The following ASCC1 variants were observed in gnomAD, a reference collection of about 807,000 sequenced individuals.
The protein encoded by ASCC1 is activating signal cointegrator 1 complex subunit 1.
A neutral mutation model predicts 46.6 loss-of-function variants in ASCC1; 35 were observed. The observed-to-expected ratio is 0.75, with a 90% confidence interval of 0.57 to 0.99. The LOEUF (loss-of-function observed/expected upper bound fraction) is 0.99, where lower values mean the gene tolerates loss of function less well. Ranked by LOEUF, ASCC1 falls within the 50% of genes least tolerant of loss-of-function variation. The pLI, the probability that ASCC1 is intolerant of heterozygous loss-of-function variation, is 0.00. For synonymous variants in ASCC1, 143 were observed against 146.6 expected (o/e 0.98, Z 0.18); for missense variants, 376 against 428.7 (o/e 0.88, Z 1.09).
chr10:72,210,166 T>TTTTC (rs1857857936), intron 3 of ASCC1, among the ~76,000 whole-genome samples: 1 of 151,328 alleles, frequency 6.6e-6, no homozygotes, highest in East Asian at 1.9e-4. Flanking sequence ...TTCTTTTTTT[T>TTTTC]TTTTTTTTTT....
At chr10:72,171,831 G>A (rs1259617030) in intron 5 of ASCC1, among the ~76,000 whole-genome samples, 1 of 152,162 alleles carries the variant, frequency 6.6e-6, no homozygotes, top group African/African-American at 2.4e-5. Flanking sequence ...AATATCTTTG[G>A]AGGGCCATTG....
At chr10:72,137,605 A>T (rs942464736) in intron 7 of ASCC1, among the ~76,000 whole-genome samples, 1 of 151,932 alleles carries the variant, frequency 6.6e-6, no homozygotes, top group Non-Finnish European at 1.5e-5. Flanking sequence ...ATTAAGAGAG[A>T]TGTTGTGCTT....
intron 3 of ASCC1, 82 bp downstream of exon 3, chr10:72,210,650 A>G: frequency 3.8e-6 from 4 of 1,063,904 alleles, no homozygotes; most frequent in Non-Finnish European, 5.8e-6. Context: ...GCACTGCAAT[A>G]AGTATGGAAG....
chr10:72,146,049 C>A (rs1039244352), intron 7 of ASCC1, among the ~76,000 whole-genome samples: 2 of 152,154 alleles, frequency 1.3e-5, no homozygotes, highest in African/African-American at 4.8e-5. Flanking sequence ...TATTTATTCC[C>A]ATTTCCTAAA....
At chr10:72,187,184 T>C (rs1020789490) in intron 5 of ASCC1, among the ~76,000 whole-genome samples, 2 of 152,204 alleles carry the variant, frequency 1.3e-5, no homozygotes, top group African/African-American at 2.4e-5. Flanking sequence ...AGTCATCTTG[T>C]TATGAAATGT....
At chr10:72,191,119 G>A (rs1184851315) in intron 5 of ASCC1, among the ~76,000 whole-genome samples, 6 of 149,476 alleles carry the variant, frequency 4.0e-5, no homozygotes, top group African/African-American at 4.9e-5. Context: ...GTGCAGTGGC[G>A]CGATCTCGGC....
intron 9 of ASCC1, among the ~76,000 whole-genome samples, chr10:72,098,993 C>A (rs1197532858): frequency 6.6e-6 from 1 of 152,212 alleles, no homozygotes; most frequent in East Asian, 1.9e-4. Flanking sequence ...AGATTTATAG[C>A]TCTGCAAACT....
At chr10:72,097,538 C>A in intron 9 of ASCC1, 88 bp from the exon 10 acceptor site, 1 of 775,938 alleles carries the variant, frequency 1.3e-6, no homozygotes, top group Non-Finnish European at 2.2e-6. Context: ...AAACACCAAA[C>A]CACAACAATC....
chr10:72,120,602 A>T (rs1248598499), intron 9 of ASCC1, among the ~76,000 whole-genome samples: 1 of 152,014 alleles, frequency 6.6e-6, no homozygotes. Flanking sequence ...CAAAAAAAAA[A>T]AAAAAATTGT....
intron 5 of ASCC1, chr10:72,189,906 C>T: frequency 3.0e-6 from 2 of 674,248 alleles, no homozygotes; most frequent in Non-Finnish European, 5.3e-6. Flanking sequence ...AAAGTACAGC[C>T]TTTCTGTCTG....
chr10:72,144,780 G>A (rs1249791372), intron 7 of ASCC1, among the ~76,000 whole-genome samples: 1 of 151,864 alleles, frequency 6.6e-6, no homozygotes, highest in African/African-American at 2.4e-5. Context: ...TTTACCTGCT[G>A]TTAGTTGATA....
At chr10:72,148,617 A>C (rs1378685509) in intron 7 of ASCC1, among the ~76,000 whole-genome samples, 1 of 152,246 alleles carries the variant, frequency 6.6e-6, no homozygotes, top group African/African-American at 2.4e-5. Context: ...CCAATGCTTA[A>C]AAATTTTGAT....
chr10:72,112,915 T>C (rs1401562486), intron 9 of ASCC1, among the ~76,000 whole-genome samples: 1 of 143,324 alleles, frequency 7.0e-6, no homozygotes, highest in Non-Finnish European at 1.5e-5. Context: ...CAACATACAA[T>C]GGACCCAAAG....
intron 7 of ASCC1, among the ~76,000 whole-genome samples, chr10:72,151,044 C>T (rs959045448): frequency 2.0e-5 from 3 of 152,202 alleles, no homozygotes; most frequent in Admixed American, 6.5e-5. Context: ...GTGGTGATTC[C>T]TCAAGGATCT....
At chr10:72,156,481 G>T (rs1169750184) in intron 6 of ASCC1, among the ~76,000 whole-genome samples, 2 of 152,208 alleles carry the variant, frequency 1.3e-5, no homozygotes, top group African/African-American at 4.8e-5. Context: ...AAAAGGATTT[G>T]GCCGGGTGCG....
intron 6 of ASCC1, among the ~76,000 whole-genome samples, chr10:72,153,979 C>A (rs1848667692): frequency 6.6e-6 from 1 of 152,144 alleles, no homozygotes; most frequent in Admixed American, 6.6e-5. Flanking sequence ...CCTTGGCCTC[C>A]CAAAGTGCTG....
intron 7 of ASCC1, among the ~76,000 whole-genome samples, chr10:72,139,137 G>A (rs1392190829): frequency 4.5e-5 from 6 of 133,454 alleles, no homozygotes; most frequent in South Asian, 2.4e-4. Flanking sequence ...TTTTTGAGAC[G>A]GCGTCTCACT....
intron 3 of ASCC1, among the ~76,000 whole-genome samples, chr10:72,205,015 G>A (rs896507103): frequency 6.6e-6 from 1 of 152,160 alleles, no homozygotes; most frequent in Admixed American, 6.5e-5. Context: ...AACAAACCTT[G>A]GAATTCATAT....
intron 7 of ASCC1, among the ~76,000 whole-genome samples, chr10:72,144,962 G>A (rs993741489): frequency 6.6e-6 from 1 of 152,058 alleles, no homozygotes; most frequent in Non-Finnish European, 1.5e-5. Flanking sequence ...TTCCTTTACT[G>A]TGGTTATCTC....
Sources: allele counts gnomAD v4.1 joint callset (sites outside exome capture counted in the v4.1 genomes callset), GRCh38; gene constraint gnomAD v4.1.1; transcripts MANE v1.5; gene names NCBI Gene and HGNC (gene_info 2026-07-23, HGNC 2026-07-21).